ATP9B: variants seen among roughly 807,000 people sequenced by gnomAD.
ATP9B encodes the protein ATPase phospholipid transporting 9B, also known as probable phospholipid-transporting ATPase IIB.
A neutral mutation model predicts 146.1 loss-of-function variants in ATP9B; 110 were observed. The ratio of observed to expected loss-of-function variants is 0.75; its 90% confidence interval spans 0.65 to 0.88. The LOEUF (loss-of-function observed/expected upper bound fraction) is 0.88. Among genes scored for constraint, ATP9B ranks in the 40% least tolerant of loss-of-function variants. The probability of loss-of-function intolerance (pLI) is 0.00; values close to 1 mark genes in which losing one functional copy is unlikely to be tolerated. For synonymous variants in ATP9B, 604 were observed against 569.7 expected (o/e 1.06, Z -0.86); for missense variants, 1,499 against 1,496.4 (o/e 1.00, Z -0.03).
chr18:79,303,796 A>C, intron 14 of ATP9B, 80 bp downstream of exon 14: 2 of 948,274 alleles, frequency 2.1e-6, no homozygotes, highest in South Asian at 3.1e-5. Context: ...GTGTGTTCCC[A>C]TCTGTAAATT....
At chr18:79,106,979 A>G (rs2075692419) in intron 2 of ATP9B, among the ~76,000 whole-genome samples, 1 of 152,184 alleles carries the variant, frequency 6.6e-6, no homozygotes, top group Non-Finnish European at 1.5e-5. Flanking sequence ...TCTAAATTTT[A>G]TATGTATCTT....
At chr18:79,140,289 C>G (rs1385189229) in intron 5 of ATP9B, among the ~76,000 whole-genome samples, 1 of 151,974 alleles carries the variant, frequency 6.6e-6, no homozygotes, top group Non-Finnish European at 1.5e-5. Flanking sequence ...TTTTTTGATA[C>G]AAATATGATT....
intron 5 of ATP9B, among the ~76,000 whole-genome samples, chr18:79,140,632 T>G (rs925613886): frequency 5.3e-5 from 8 of 151,426 alleles, no homozygotes; most frequent in Non-Finnish European, 1.0e-4. Context: ...AAAAAAAAAA[T>G]TAGCCGGGCA....
At chr18:79,263,988 G>C (rs554316477) in intron 12 of ATP9B, among the ~76,000 whole-genome samples, 8 of 152,290 alleles carry the variant, frequency 5.3e-5, no homozygotes, top group African/African-American at 1.9e-4. Context: ...GGGAGGCTGA[G>C]GCAGGAGAAT....
chr18:79,086,427 C>T (rs2073832477), intron 1 of ATP9B: 1 of 52,262 alleles, frequency 1.9e-5, no homozygotes. Context: ...CAGAGCAAGG[C>T]TCTATCTCAA....
At chr18:79,080,185 A>T (rs547764541) in intron 1 of ATP9B, among the ~76,000 whole-genome samples, 28 of 152,322 alleles carry the variant, frequency 1.8e-4, no homozygotes, top group African/African-American at 6.7e-4. Context: ...GAAGAAAGTC[A>T]GTGGTAGCTT....
At chr18:79,150,730 C>T (rs1371343456) in intron 6 of ATP9B, among the ~76,000 whole-genome samples, 2 of 152,102 alleles carry the variant, frequency 1.3e-5, no homozygotes, top group African/African-American at 4.8e-5. Context: ...TGATTCATAC[C>T]TGTAATCCCA....
At chr18:79,251,535 A>T (rs1231643073) in intron 11 of ATP9B, among the ~76,000 whole-genome samples, 1 of 152,214 alleles carries the variant, frequency 6.6e-6, no homozygotes, top group Non-Finnish European at 1.5e-5. Context: ...GTTTAGCACA[A>T]AATGTAGTAG....
At chr18:79,192,140 C>A (rs1366147093) in intron 8 of ATP9B, among the ~76,000 whole-genome samples, 1 of 152,126 alleles carries the variant, frequency 6.6e-6, no homozygotes, top group Non-Finnish European at 1.5e-5. Flanking sequence ...GAGGCACTCT[C>A]CTTTCTGAGC....
chr18:79,090,397 A>T (rs1043789399), intron 1 of ATP9B, among the ~76,000 whole-genome samples: 1 of 152,336 alleles, frequency 6.6e-6, no homozygotes, highest in Non-Finnish European at 1.5e-5. Flanking sequence ...CCAACAGTGT[A>T]CAAGGGTTCC....
intron 1 of ATP9B, among the ~76,000 whole-genome samples, chr18:79,072,528 TGGA>T (rs1438361210): frequency 6.6e-6 from 1 of 152,236 alleles, no homozygotes; most frequent in African/African-American, 2.4e-5. Flanking sequence ...CAGAACAAAA[TGGA>T]GTCTCCTATG....
intron 26 of ATP9B, chr18:79,363,156 A>G (rs936574883): frequency 3.9e-5 from 6 of 152,388 alleles, no homozygotes; most frequent in Admixed American, 1.3e-4. Flanking sequence ...TCAGGATACA[A>G]GGAATAATTT....
chr18:79,130,415 A>G (rs1385669121), intron 5 of ATP9B, among the ~76,000 whole-genome samples: 1 of 108,896 alleles, frequency 9.2e-6, no homozygotes, highest in Non-Finnish European at 1.8e-5. Flanking sequence ...GAGGAGCAGA[A>G]AGAATGGGAA....
chr18:79,283,698 C>T (rs1437391121), intron 13 of ATP9B, among the ~76,000 whole-genome samples: 2 of 152,210 alleles, frequency 1.3e-5, no homozygotes, highest in Non-Finnish European at 1.5e-5. Flanking sequence ...CAAGCGTAGA[C>T]ATCTGTGAAC....
chr18:79,075,267 T>G (rs1216865728), intron 1 of ATP9B, among the ~76,000 whole-genome samples: 2 of 152,292 alleles, frequency 1.3e-5, no homozygotes, highest in East Asian at 3.9e-4. Flanking sequence ...TCCTCCTGCT[T>G]TAGCCTCCAG....
intron 1 of ATP9B, among the ~76,000 whole-genome samples, chr18:79,073,400 G>A (rs376923452): frequency 1.3e-5 from 2 of 152,354 alleles, no homozygotes; most frequent in East Asian, 3.9e-4. Flanking sequence ...GCCGAGGCGG[G>A]CAGACCACTC....
At chr18:79,301,404 A>G (rs905604608) in intron 13 of ATP9B, among the ~76,000 whole-genome samples, 3 of 152,184 alleles carry the variant, frequency 2.0e-5, no homozygotes, top group Non-Finnish European at 4.4e-5. Context: ...AGGCAGGAGA[A>G]TTGCTTGAAC....
chr18:79,105,629 G>A (rs918934715), intron 2 of ATP9B, among the ~76,000 whole-genome samples: 3 of 152,130 alleles, frequency 2.0e-5, no homozygotes, highest in Non-Finnish European at 4.4e-5. Flanking sequence ...TCTGTAAGCG[G>A]TTGTGAGTCA....
At chr18:79,269,886 GCAT>G (rs1438009706) in intron 12 of ATP9B, among the ~76,000 whole-genome samples, 1 of 152,204 alleles carries the variant, frequency 6.6e-6, no homozygotes, top group East Asian at 1.9e-4. Flanking sequence ...TCCCTGAGGC[GCAT>G]CCTTGCCTCC....
Sources: allele counts gnomAD v4.1 joint callset (sites outside exome capture counted in the v4.1 genomes callset), GRCh38; gene constraint gnomAD v4.1.1; transcripts MANE v1.5; gene names NCBI Gene and HGNC (gene_info 2026-07-23, HGNC 2026-07-21).